Variants in LPA observed in about 807,000 individuals in gnomAD.
LPA encodes lipoprotein(a).
A neutral mutation model predicts 197.9 loss-of-function variants in LPA; 199 were observed. The observed-to-expected ratio is 1.01, with a 90% CI of 0.90 to 1.13. LPA has a LOEUF of 1.13. LPA is among the 50% of genes most tolerant of loss of function. LPA has a pLI of 0.00. For synonymous variants in LPA, 715 were observed against 639.5 expected, an observed-to-expected ratio of 1.12 and a Z score of -1.78; for missense variants, 1,853 against 1,785.8, an observed-to-expected ratio of 1.04 and a Z score of -0.68.
intron 1 of LPA, among the ~76,000 whole-genome samples, chr6:160,663,623 G>A (rs1278214483): frequency 6.6e-6 from 1 of 152,172 alleles, no homozygotes; most frequent in Non-Finnish European, 1.5e-5. Context: ...ATATCATCTG[G>A]CAAATGGATG....
rs1562331339 is a variant in LPA, at chr6:160,584,270, C to CT, written c.4289+775dup. Among the ~76,000 whole-genome samples, 339 of 112,888 alleles carry CT rather than the reference C, an allele frequency of 3.0e-3. 7 individuals carry two copies. The highest frequency in any genetic ancestry group is 0.012 in the African/African-American group (334 of 29,030). 74.1% of individuals were successfully genotyped at this position (112,888 alleles called of 152,430 possible). On this transcript the variant is annotated intron_variant, in intron 26 of 38. Transcript: ENST00000316300. The stretch of plus-strand genomic sequence containing the variant: ...CCTCCTCCTCCTCCTCTTCCTCTTC[C>CT]TCTTCTTCTTCTTCTTCTTCTTCCT...
At chr6:160,597,449 C>T (rs1779155300) in intron 20 of LPA, among the ~76,000 whole-genome samples, 1 of 152,172 alleles carries the variant, frequency 6.6e-6, no homozygotes, top group Non-Finnish European at 1.5e-5. Flanking sequence ...CTCTAGGATT[C>T]ACACCTGTGT....
chr6:160,605,121 G>A lies in LPA; in HGVS notation c.2870C>T (p.Thr957Ile). 3 of 1,613,988 alleles carry A rather than the reference G, an allele frequency of 1.9e-6. No homozygotes were observed. The highest frequency in any genetic ancestry group is 2.5e-6 in the Non-Finnish European group (3 of 1,179,864). ...SYQGTYFITV[T>I]GRTCQAWSSM... ...TGACCAAGCTTGGCAGGTTCTTCCT[G>A]TGACAGTAATGAAGTATGTGCCTTG... Residue 957 changes from threonine to isoleucine, a missense_variant, in exon 18 of 39, where the codon ACA (threonine) becomes ATA (isoleucine). Physicochemically the swap from Thr to Ile is moderately conservative, Grantham distance 89. Transcript: ENST00000316300.
intron 23 of LPA, 69 bp from the exon 24 acceptor site, chr6:160,589,781 A>G (rs1778990850): frequency 1.3e-5 from 21 of 1,574,780 alleles, no homozygotes; most frequent in Admixed American, 3.3e-5. Flanking sequence ...AAAAAAATCC[A>G]TGATAGAAAC....
chr6:160,581,684 T>C (rs1047128578), intron 26 of LPA, among the ~76,000 whole-genome samples: 1 of 152,140 alleles, frequency 6.6e-6, no homozygotes, highest in Admixed American at 6.6e-5. Context: ...TTATTCCAAG[T>C]TTTTTATTCT....
intron 2 of LPA, among the ~76,000 whole-genome samples, chr6:160,649,898 C>A (rs762704823): frequency 1.3e-5 from 2 of 152,194 alleles, no homozygotes; most frequent in Non-Finnish European, 1.5e-5. Flanking sequence ...TTGGAATAGA[C>A]ATAGATATAG....
At chr6:160,552,171 C>G (rs1485002680) in intron 30 of LPA, among the ~76,000 whole-genome samples, 1 of 152,160 alleles carries the variant, frequency 6.6e-6, no homozygotes, top group Non-Finnish European at 1.5e-5. Flanking sequence ...CTCAGCCTCC[C>G]AAAATGTTGG....
intron 18 of LPA, among the ~76,000 whole-genome samples, chr6:160,602,133 C>A (rs9355297): frequency 6.6e-6 from 1 of 151,992 alleles, no homozygotes; most frequent in Non-Finnish European, 1.5e-5. Flanking sequence ...ACACATGTGA[C>A]CTAGTCTCAA....
chr6:160,658,027 G>C (rs990241017), intron 1 of LPA, among the ~76,000 whole-genome samples: 1 of 152,092 alleles, frequency 6.6e-6, no homozygotes, highest in African/African-American at 2.4e-5. Context: ...ACATTATCTT[G>C]CCTGGCAGCT....
chr6:160,612,915 G>GGTC lies in LPA; in HGVS notation c.2443+16_2443+17insGAC, dbSNP rs1779545405. 4.2e-6 allele frequency: 1 copy of GGTC among 237,916 alleles called. No homozygotes were observed. The highest frequency in any genetic ancestry group is 7.9e-6 in the Non-Finnish European group (1 of 127,282). The allele number at this position is 237,916 out of a possible 1,614,324, so 14.7% of individuals were successfully genotyped here. A position where few individuals can be genotyped will look rare whatever the true frequency, so the allele number is the denominator to read the frequency against. On this transcript the variant is annotated intron_variant, in intron 15 of 38. Transcript: ENST00000316300. Reference sequence around the variant, plus strand: ...CCAGCATCGAAGCGTGTAGATGTCTGGCCACAGACTCCTTACCTTGTTCGG... The same window carrying GGTC: ...CCAGCATCGAAGCGTGTAGATGTCTGGTCGCCACAGACTCCTTACCTTGTTCGG...
chr6:160,611,443 T>C, intron 16 of LPA, 119 bp downstream of exon 16: 4 of 1,520,712 alleles, frequency 2.6e-6, no homozygotes, highest in Non-Finnish European at 3.6e-6. Context: ...TGAGACATTT[T>C]GCTACACCAT....
chr6:160,547,919 C>G lies in LPA; in HGVS notation c.5174G>C (p.Gly1725Ala). The change falls in exon 32 of 39, where the codon GGG becomes GCG. Residue 1725 changes from glycine (G) to alanine (A), a missense_variant. Gly to Ala is a moderately conservative substitution (Grantham distance 60). This residue lies in a region of LPA where 1,737 missense variants were observed against 1,504.4 expected (regional missense o/e 1.15). Coordinates refer to ENST00000316300, the MANE Select transcript of LPA (RefSeq NM_005577.4). ...TGCCTTCTTGCCCCGGTATCCTTTC[C>G]CATTCCCAAACATACAGTCTGTAGA... ...PSEQDCMFGNGKGYRGKKATT... is the reference protein window; with the variant it reads ...PSEQDCMFGNAKGYRGKKATT... 6.2e-7 allele frequency: 1 copy of G among 1,614,012 alleles called. No individual in the cohort carries two copies.
rs577827172 is a variant in LPA at position 160,611,462 on chromosome 6, G to C, written c.2603+100C>G. The C allele has an allele frequency of 1.2e-4, 193 of 1,547,900 alleles. 3 individuals carry two copies. The African/African-American group carries it at 2.3e-3, about 18-fold the overall frequency. ...ACATTTTGCTACACCATCTGAATCT[G>C]ACACAAGTTGAGTTCGGAGAACTCA... is the stretch of plus-strand genomic sequence containing the variant. On this transcript the variant is annotated intron_variant, in intron 16 of 38. Coordinates refer to ENST00000316300, the MANE Select transcript of LPA (RefSeq NM_005577.4).
intron 18 of LPA, among the ~76,000 whole-genome samples, chr6:160,602,994 G>GTTT (rs10548212): frequency 6.6e-5 from 8 of 121,386 alleles, no homozygotes; most frequent in African/African-American, 1.8e-4. Context: ...GAATCATACA[G>GTTT]TTTTTTTTTT....
intron 2 of LPA, among the ~76,000 whole-genome samples, chr6:160,649,310 C>G (rs952703017): frequency 2.0e-5 from 3 of 152,142 alleles, no homozygotes; most frequent in African/African-American, 7.2e-5. Context: ...ATTGTAGTTG[C>G]TGCTCTTCCG....
Position 160,656,202 on chromosome 6 carries a change from G to A in LPA, c.50-5705C>T, listed in dbSNP as rs553459876. ...ATGTGGTGGGAATCACCACCCCTGC[G>A]TCTTTCAAGTCCTTGATGGTGACAC... On this transcript the variant is annotated intron_variant, in intron 1 of 38. Coordinates refer to ENST00000316300, the MANE Select transcript of LPA (RefSeq NM_005577.4). 7.2e-4 allele frequency among the ~76,000 whole-genome samples: 110 copies of A among 152,294 alleles called. 1 individual carries two copies. The highest frequency in any genetic ancestry group is 1.3e-3 in the Non-Finnish European group (89 of 68,012).
chr6:160,604,368 T>G (rs1274391496), intron 18 of LPA, among the ~76,000 whole-genome samples: 1 of 152,192 alleles, frequency 6.6e-6, no homozygotes. Flanking sequence ...TTGTCCAACA[T>G]GTAGAAACCA....
Position 160,542,704 on chromosome 6 carries a change from C to G in LPA, c.5503G>C (p.Val1835Leu). 1 of 1,613,804 alleles carries G rather than the reference C, an allele frequency of 6.2e-7. No homozygotes were observed. The change falls in exon 34 of 39, where the codon GTC becomes CTC. Residue 1835 changes from valine (V) to leucine (L), a missense_variant. Val to Leu is a conservative substitution (Grantham distance 32). Around this residue, in one of 3 missense-constraint regions of LPA, gnomAD observed 1,737 missense variants for 1,504.4 expected, o/e 1.15. Coordinates refer to ENST00000316300, the MANE Select transcript of LPA (RefSeq NM_005577.4). ...TGTTCTTACCTTGTTCTGAGACTGACTTGCCAGGGCCAGGAATGTGGGTGG... is the reference window on the plus strand; with the variant it reads ...TGTTCTTACCTTGTTCTGAGACTGAGTTGCCAGGGCCAGGAATGTGGGTGG... ...VAHPHSWPWQVSLRTRFGKHF... is the reference protein window; with the variant it reads ...VAHPHSWPWQLSLRTRFGKHF...
chr6:160,589,775 A>T (rs1181685924), intron 23 of LPA, 63 bp from the exon 24 acceptor site: 1 of 1,588,758 alleles, frequency 6.3e-7, no homozygotes, highest in Non-Finnish European at 8.6e-7. Context: ...ATGAGAAAAA[A>T]AATCCATGAT....
Sources: gnomAD v4.1 joint callset for allele counts (sites outside exome capture counted in the v4.1 genomes callset) on GRCh38, gnomAD v4.1.1 for gene constraint, gnomAD v4.1.1 regional missense constraint, MANE v1.5 for transcripts, NCBI Gene and HGNC (gene_info 2026-07-23, HGNC 2026-07-21) for gene names.